PTPRG: variants seen among roughly 807,000 people sequenced by gnomAD.
The protein encoded by PTPRG is protein tyrosine phosphatase receptor type G.
Under a neutral mutation model 165.3 loss-of-function variants are expected in PTPRG, and 102 were observed. The ratio of observed to expected loss-of-function variants is 0.62; its 90% confidence interval spans 0.53 to 0.73. The LOEUF (loss-of-function observed/expected upper bound fraction) is 0.73. PTPRG is among the 30% of genes least tolerant of loss of function. The pLI, the probability that PTPRG is intolerant of heterozygous loss-of-function variation, is 0.00. For synonymous variants in PTPRG, 675 were observed against 669.5 expected, an observed-to-expected ratio of 1.01 and a Z score of -0.13; for missense variants, 1,866 against 1,861.4, an observed-to-expected ratio of 1.00 and a Z score of -0.05.
At chr3:61,836,816 C>G (rs2036478679) in intron 2 of PTPRG, among the ~76,000 whole-genome samples, 1 of 152,116 alleles carries the variant, frequency 6.6e-6, no homozygotes, top group Non-Finnish European at 1.5e-5. Context: ...ACAATCTCGG[C>G]TCACTGCAAC....
intron 2 of PTPRG, among the ~76,000 whole-genome samples, chr3:61,967,033 G>A (rs2040287819): frequency 6.6e-6 from 1 of 152,192 alleles, no homozygotes; most frequent in Non-Finnish European, 1.5e-5. Flanking sequence ...TCAGATTGGT[G>A]CTCCCAGAGA....
chr3:62,020,369 A>G (rs1156311145), intron 4 of PTPRG, among the ~76,000 whole-genome samples: 1 of 152,186 alleles, frequency 6.6e-6, no homozygotes, highest in Non-Finnish European at 1.5e-5. Context: ...CATTTCTAAG[A>G]CCTTATTTTT....
rs115779002 is a variant in PTPRG, at chr3:62,243,070, G to A, written c.2376-737G>A. ...CATTAGGGCCGCAATGAGCAGTGAC[G>A]TGGATGCAGGAAAGCTGAGGGCCAG... On this transcript the variant is annotated intron_variant, in intron 14 of 29. Transcript: ENST00000474889. Among the ~76,000 whole-genome samples the A allele has an allele frequency of 2.9e-3, 437 of 152,220 alleles. 3 individuals carry two copies. Among genetic ancestry groups the A allele is most frequent in the Non-Finnish European group, 5.5e-3 (376 of 68,016 alleles).
At chr3:61,917,890 C>T (rs2107553663) in intron 2 of PTPRG, among the ~76,000 whole-genome samples, 1 of 152,268 alleles carries the variant, frequency 6.6e-6, no homozygotes, top group Non-Finnish European at 1.5e-5. Flanking sequence ...CGAGATCACG[C>T]CGCTGCGATC....
chr3:61,658,194 G>T (rs928766990), intron 1 of PTPRG, among the ~76,000 whole-genome samples: 15 of 152,326 alleles, frequency 9.8e-5, no homozygotes, highest in African/African-American at 3.6e-4. Context: ...CAGGGGCTGC[G>T]AAAGTTGCCA....
At chr3:62,071,509 C>T (rs752770068) in intron 4 of PTPRG, among the ~76,000 whole-genome samples, 16 of 152,174 alleles carry the variant, frequency 1.1e-4, no homozygotes, top group Admixed American at 2.0e-4. Flanking sequence ...GACCATGAGC[C>T]ACTCATTGCC....
In PTPRG at chr3:62,192,994, A is replaced by G. The variant is rs372070416; in HGVS notation, c.1218+1341A>G. Among the ~76,000 whole-genome samples the G allele has an allele frequency of 3.3e-4, 51 of 152,242 alleles. No homozygotes were observed. The East Asian group carries it at 8.3e-3, about 25-fold the overall frequency. On this transcript the variant is annotated intron_variant, in intron 9 of 29. Coordinates refer to ENST00000474889, the MANE Select transcript of PTPRG (RefSeq NM_002841.4). ...TACTTCATTTCCATTTATATTTTCAATTTCCCCACTAGACATTGTTATCTG... is the reference window on the plus strand; with the variant it reads ...TACTTCATTTCCATTTATATTTTCAGTTTCCCCACTAGACATTGTTATCTG...
At chr3:61,773,749 T>C (rs2034282643) in intron 2 of PTPRG, among the ~76,000 whole-genome samples, 1 of 150,840 alleles carries the variant, frequency 6.6e-6, no homozygotes, top group African/African-American at 2.4e-5. Context: ...GTCATGTAAA[T>C]AAAAAAGTTA....
chr3:61,652,449 G>A (rs1352678862), intron 1 of PTPRG, among the ~76,000 whole-genome samples: 1 of 150,710 alleles, frequency 6.6e-6, no homozygotes, highest in Non-Finnish European at 1.5e-5. Flanking sequence ...TTTCCTCTAC[G>A]GTGCAATCTA....
chr3:61,826,091 T>C (rs572671210), intron 2 of PTPRG, among the ~76,000 whole-genome samples: 11 of 152,338 alleles, frequency 7.2e-5, no homozygotes, highest in African/African-American at 2.4e-4. Flanking sequence ...TTACCAGCTG[T>C]CCTATTGTTT....
chr3:61,825,832 G>A (rs751263055), intron 2 of PTPRG, among the ~76,000 whole-genome samples: 2 of 146,810 alleles, frequency 1.4e-5, no homozygotes, highest in East Asian at 2.1e-4. Context: ...TTGTTGTTTG[G>A]TAGAAATGAG....
At chr3:61,908,238 C>CA in intron 2 of PTPRG, among the ~76,000 whole-genome samples, 1 of 150,444 alleles carries the variant, frequency 6.6e-6, no homozygotes, top group South Asian at 2.1e-4. Flanking sequence ...CCAGCCTGGC[C>CA]AACACGGTGA....
At chr3:61,764,553 G>A (rs930187956) in intron 2 of PTPRG, among the ~76,000 whole-genome samples, 6 of 152,148 alleles carry the variant, frequency 3.9e-5, no homozygotes, top group African/African-American at 1.4e-4. Flanking sequence ...TTAGGGGAGA[G>A]AGTTGTTATT....
At chr3:61,719,286 A>AT (rs1387285425) in intron 1 of PTPRG, among the ~76,000 whole-genome samples, 3 of 152,206 alleles carry the variant, frequency 2.0e-5, no homozygotes, top group African/African-American at 7.2e-5. Flanking sequence ...CCTGGGCTTA[A>AT]TTTTTTTAAT....
At chr3:61,763,861 T>C (rs993738662) in intron 2 of PTPRG, among the ~76,000 whole-genome samples, 46 of 152,226 alleles carry the variant, frequency 3.0e-4, no homozygotes, top group African/African-American at 1.0e-3. Context: ...TCTTCTATAG[T>C]TACTAGTTAC....
Position 61,840,115 on chromosome 3 carries a change from A to G in PTPRG, c.190+91133A>G, listed in dbSNP as rs796145265. Among the ~76,000 whole-genome samples, 12 of 152,320 alleles carry G rather than the reference A, an allele frequency of 7.9e-5. 1 individual carries two copies. Among genetic ancestry groups the G allele is most frequent in the African/African-American group, 2.6e-4 (11 of 41,574 alleles). On this transcript the variant is annotated intron_variant, in intron 2 of 29. Transcript: ENST00000474889. ...GTGCCTGCATTTTCCCCTTGATATT[A>G]TATCATAAACATTTCCTGGTAGTAT...
At chr3:62,047,086 G>T (rs1700317275) in intron 4 of PTPRG, among the ~76,000 whole-genome samples, 1 of 152,090 alleles carries the variant, frequency 6.6e-6, no homozygotes, top group Non-Finnish European at 1.5e-5. Context: ...TTCTAAGTTT[G>T]CAAGCTTCAT....
At chr3:61,943,639 C>T (rs560637496) in intron 2 of PTPRG, among the ~76,000 whole-genome samples, 2 of 152,316 alleles carry the variant, frequency 1.3e-5, no homozygotes, top group East Asian at 3.9e-4. Context: ...CTGAAGAACA[C>T]ATGGCAGTGA....
rs557103488 is a variant in PTPRG at position 61,689,266 on chromosome 3, C to G, written c.86-59612C>G. The stretch of plus-strand genomic sequence containing the variant: ...GAGAGTGATTCCTATAACTGCTTCC[C>G]TATCATCATCTGTAATGGTTGAAGC... On this transcript the variant is annotated intron_variant, in intron 1 of 29. Transcript: ENST00000474889. Among the ~76,000 whole-genome samples the G allele has an allele frequency of 5.9e-5, 9 of 152,326 alleles. No homozygotes were observed. The East Asian group carries it at 1.5e-3, about 26-fold the overall frequency.
Sources: gnomAD v4.1 joint callset for allele counts (sites outside exome capture counted in the v4.1 genomes callset) on GRCh38, gnomAD v4.1.1 for gene constraint, MANE v1.5 for transcripts, NCBI Gene and HGNC (gene_info 2026-07-23, HGNC 2026-07-21) for gene names.